The following PMM2 variants were observed in gnomAD, a reference collection of about 807,000 sequenced individuals.
PMM2 encodes the protein phosphomannomutase 2.
PMM2 carries 35 observed loss-of-function variants against 33.2 expected under a neutral mutation model. That is an observed-to-expected ratio of 1.06 (90% CI 0.81 to 1.40). The LOEUF is 1.40. Ranked by LOEUF, PMM2 falls within the 40% of genes most tolerant of loss-of-function variation. The pLI is 0.00. For synonymous variants in PMM2, 153 were observed against 114.7 expected (o/e 1.33, Z -2.13); for missense variants, 386 against 306.0 (o/e 1.26, Z -1.95).
At chr16:8,841,572 G>A (rs1443503469) in intron 7 of PMM2, among the ~76,000 whole-genome samples, 1 of 144,758 alleles carries the variant, frequency 6.9e-6, no homozygotes, top group African/African-American at 2.5e-5. Context: ...AGATTTCCAC[G>A]ATGGAAAGGA....
At chr16:8,799,590 C>G (rs1308142966) in intron 1 of PMM2, among the ~76,000 whole-genome samples, 1 of 151,904 alleles carries the variant, frequency 6.6e-6, no homozygotes, top group African/African-American at 2.4e-5. Context: ...ACTCTGTCAC[C>G]AGACTGGAGT....
chr16:8,805,506 C>T (rs925854311), intron 3 of PMM2, among the ~76,000 whole-genome samples: 1 of 152,144 alleles, frequency 6.6e-6, no homozygotes, highest in Non-Finnish European at 1.5e-5. Flanking sequence ...ACTACAGGCA[C>T]ATGCCACCAA....
At position 8,812,974 on chromosome 16, in the gene PMM2, C is replaced by T. The variant is rs768838446; in HGVS notation, c.524-17C>T. ...TTTTCACCTTTTGCCTTTGTGTGCC[C>T]CGTCCCCACCCGGCAGGAGGCCAGA... On this transcript the variant is annotated splice_polypyrimidine_tract_variant and intron_variant, in intron 6 of 7. Coordinates refer to ENST00000268261, the MANE Select transcript of PMM2 (RefSeq NM_000303.3). The T allele has an allele frequency of 6.9e-6, 10 of 1,452,704 alleles. No homozygotes were observed. The highest frequency in any genetic ancestry group is 9.7e-6 in the Non-Finnish European group (10 of 1,032,696). The allele number at this position is 1,452,704 out of a possible 1,614,324, so 90.0% of individuals were successfully genotyped here.
At chr16:8,802,817 C>T (rs1347367594) in intron 2 of PMM2, among the ~76,000 whole-genome samples, 1 of 129,368 alleles carries the variant, frequency 7.7e-6, no homozygotes, top group African/African-American at 3.0e-5. Context: ...GCAATAAGAA[C>T]GAAACTCCGT....
chr16:8,845,394 T>C (rs555905404), intron 7 of PMM2, among the ~76,000 whole-genome samples: 128 of 152,248 alleles, frequency 8.4e-4, no homozygotes, highest in Non-Finnish European at 1.5e-3. Flanking sequence ...CTTCAGGCCA[T>C]CTGGATGTAC....
At chr16:8,841,266 G>A (rs924792351) in intron 7 of PMM2, among the ~76,000 whole-genome samples, 33 of 151,350 alleles carry the variant, frequency 2.2e-4, no homozygotes, top group Admixed American at 4.6e-4. Context: ...TTATCAGACT[G>A]TATAGAGGTG....
chr16:8,830,939 C>G (rs8053220), intron 7 of PMM2, among the ~76,000 whole-genome samples: 133,653 of 152,234 alleles, frequency 0.88, 59,301 homozygotes, highest in East Asian at 0.97. Flanking sequence ...GGGAGTTTGA[C>G]ACCAGCCTGG....
intron 7 of PMM2, among the ~76,000 whole-genome samples, chr16:8,827,889 G>GTT (rs1567164835): frequency 2.2e-4 from 9 of 40,184 alleles, no homozygotes; most frequent in East Asian, 1.8e-3. Flanking sequence ...TATAATATAT[G>GTT]ATATATATGA....
rs941024632 is a variant in PMM2, at chr16:8,831,841, A to G, written c.640-15883A>G. ...TAGGGATTTAAATATTAATGCGCGG[A>G]TTTCACTGAGCCCTGGCCTCTCTTT... is the stretch of plus-strand genomic sequence containing the variant. On this transcript the variant is annotated intron_variant, in intron 7 of 7. Coordinates refer to ENST00000268261, the MANE Select transcript of PMM2 (RefSeq NM_000303.3). Among the ~76,000 whole-genome samples the G allele has an allele frequency of 7.2e-5, 11 of 152,208 alleles. No homozygotes were observed. In the Middle Eastern group the frequency reaches 0.02, roughly 282 times the overall value.
intron 7 of PMM2, among the ~76,000 whole-genome samples, chr16:8,820,333 A>G (rs1348362631): frequency 6.7e-6 from 1 of 149,816 alleles, no homozygotes; most frequent in East Asian, 1.9e-4. Context: ...TCGTCAGCCC[A>G]GTGAGGACAC....
chr16:8,811,731 T>C lies in PMM2; in HGVS notation c.523+18T>C. ...TTCCATAGGTATTGTATATATTGCC[T>C]GTGTTCCAAACTTGGATACCCATTT... On this transcript the variant is annotated intron_variant, in intron 6 of 7. Coordinates refer to ENST00000268261, the MANE Select transcript of PMM2 (RefSeq NM_000303.3). 1 of 1,563,348 alleles carries C rather than the reference T, an allele frequency of 6.4e-7. No individual in the cohort carries two copies. Among genetic ancestry groups the C allele is most frequent in the Non-Finnish European group, 8.8e-7 (1 of 1,133,840 alleles).
At chr16:8,809,113 G>T (rs1421280881) in intron 4 of PMM2, 1 of 152,226 alleles carries the variant, frequency 6.6e-6, no homozygotes, top group Non-Finnish European at 1.5e-5. Flanking sequence ...AGGTGAATAA[G>T]AGGAGGCTTG....
At chr16:8,827,452 A>G (rs1006709591) in intron 7 of PMM2, among the ~76,000 whole-genome samples, 8 of 150,192 alleles carry the variant, frequency 5.3e-5, no homozygotes, top group Non-Finnish European at 1.0e-4. Flanking sequence ...ATAGAGTGCA[A>G]TGGCATGATC....
intron 1 of PMM2, among the ~76,000 whole-genome samples, chr16:8,800,916 C>T (rs571548780): frequency 2.8e-4 from 43 of 152,336 alleles, no homozygotes; most frequent in Non-Finnish European, 4.9e-4. Context: ...ACTCTGACCT[C>T]AGGTGATCCA....
intron 7 of PMM2, among the ~76,000 whole-genome samples, chr16:8,846,462 A>G (rs2060926018): frequency 6.6e-6 from 1 of 152,128 alleles, no homozygotes; most frequent in Non-Finnish European, 1.5e-5. Flanking sequence ...TCCATGAGAA[A>G]AACGGGGGCT....
intron 7 of PMM2, among the ~76,000 whole-genome samples, chr16:8,814,426 G>T (rs942994408): frequency 6.6e-6 from 1 of 152,148 alleles, no homozygotes; most frequent in African/African-American, 2.4e-5. Context: ...CATAAATGCT[G>T]CATATTCAGA....
chr16:8,832,249 T>C (rs1237249275), intron 7 of PMM2: 11 of 985,158 alleles, frequency 1.1e-5, no homozygotes, highest in Non-Finnish European at 1.3e-5. Context: ...CTGAGGCAGG[T>C]TGTGTTTGTG....
intron 1 of PMM2, among the ~76,000 whole-genome samples, chr16:8,799,551 CTCT>C (rs1372315385): frequency 3.3e-5 from 5 of 149,762 alleles, no homozygotes; most frequent in Non-Finnish European, 7.4e-5. Context: ...ACAGTTCTGA[CTCT>C]TTTTTTTTTT....
At chr16:8,835,466 G>C (rs927645146) in intron 7 of PMM2, among the ~76,000 whole-genome samples, 2 of 152,026 alleles carry the variant, frequency 1.3e-5, no homozygotes, top group African/African-American at 4.8e-5. Context: ...AAAGCAAAGA[G>C]ACGCTGGGAT....
Sources: allele counts gnomAD v4.1 joint callset (sites outside exome capture counted in the v4.1 genomes callset), GRCh38; gene constraint gnomAD v4.1.1; transcripts MANE v1.5; gene names NCBI Gene and HGNC (gene_info 2026-07-23, HGNC 2026-07-21).